Variants in TMEM108 observed in about 807,000 individuals in gnomAD.
TMEM108 encodes transmembrane protein 108.
TMEM108 carries 12 observed loss-of-function variants against 35.1 expected under a neutral mutation model. The observed-to-expected ratio is 0.34, with a 90% CI of 0.22 to 0.55. The LOEUF (loss-of-function observed/expected upper bound fraction) is 0.55. Ranked by LOEUF, TMEM108 falls within the 20% of genes least tolerant of loss-of-function variation. The probability of loss-of-function intolerance (pLI) is 0.89; values close to 1 mark genes in which losing one functional copy is unlikely to be tolerated. For synonymous variants in TMEM108, 287 were observed against 308.6 expected, an observed-to-expected ratio of 0.93 and a Z score of 0.73; for missense variants, 680 against 753.3, an observed-to-expected ratio of 0.90 and a Z score of 1.14.
chr3:133,116,083 T>C (rs1018674148), intron 2 of TMEM108, among the ~76,000 whole-genome samples: 12 of 152,344 alleles, frequency 7.9e-5, no homozygotes, highest in African/African-American at 2.6e-4. Context: ...TCCAAGTCTT[T>C]AGTAATGAGA....
At chr3:133,234,101 A>G (rs903018282) in intron 3 of TMEM108, among the ~76,000 whole-genome samples, 9 of 152,114 alleles carry the variant, frequency 5.9e-5, no homozygotes, top group Non-Finnish European at 8.8e-5. Flanking sequence ...TGTTTTAGAC[A>G]TGAAGTGCTT....
chr3:133,306,958 T>C (rs1334397322), intron 3 of TMEM108, among the ~76,000 whole-genome samples: 1 of 152,164 alleles, frequency 6.6e-6, no homozygotes, highest in Non-Finnish European at 1.5e-5. Flanking sequence ...TTGTCTTCCA[T>C]AATAGTTTAA....
At chr3:133,144,400 C>G (rs1944686091) in intron 2 of TMEM108, among the ~76,000 whole-genome samples, 1 of 152,114 alleles carries the variant, frequency 6.6e-6, no homozygotes, top group Non-Finnish European at 1.5e-5. Context: ...GGTTCCAAGT[C>G]TTTGCTATTG....
chr3:133,086,174 A>G (rs912177758), intron 2 of TMEM108, among the ~76,000 whole-genome samples: 2 of 152,142 alleles, frequency 1.3e-5, no homozygotes, highest in Non-Finnish European at 2.9e-5. Context: ...CTGCTTCTGG[A>G]GTCCAGAGGT....
chr3:133,278,795 T>C (rs988405822), intron 3 of TMEM108, among the ~76,000 whole-genome samples: 12 of 152,188 alleles, frequency 7.9e-5, no homozygotes, highest in African/African-American at 2.7e-4. Context: ...GGCTATGTAA[T>C]GTACAGCCTA....
chr3:133,248,968 G>A (rs1051147428), intron 3 of TMEM108, among the ~76,000 whole-genome samples: 3 of 152,166 alleles, frequency 2.0e-5, no homozygotes, highest in African/African-American at 4.8e-5. Flanking sequence ...CTACCTTTGC[G>A]TGGTCACTGA....
chr3:133,170,955 G>A (rs916326661), intron 2 of TMEM108, among the ~76,000 whole-genome samples: 4 of 152,190 alleles, frequency 2.6e-5, no homozygotes, highest in African/African-American at 9.7e-5. Context: ...GACAAGTGAT[G>A]AAGATTAGGC....
At chr3:133,040,202 G>GTTTTTTTTT (rs200928853) in intron 1 of TMEM108, among the ~76,000 whole-genome samples, 1 of 119,692 alleles carries the variant, frequency 8.4e-6, no homozygotes. Context: ...TTGTTTGTTT[G>GTTTTTTTTT]TTTGTTTTTT....
intron 2 of TMEM108, among the ~76,000 whole-genome samples, chr3:133,143,513 T>G (rs761256865): frequency 2.0e-5 from 3 of 152,240 alleles, no homozygotes; most frequent in Non-Finnish European, 2.9e-5. Flanking sequence ...AAACTGCTTA[T>G]GAAGCATAAG....
At chr3:133,121,423 GTC>G (rs1944351029) in intron 2 of TMEM108, among the ~76,000 whole-genome samples, 1 of 152,164 alleles carries the variant, frequency 6.6e-6, no homozygotes, top group Non-Finnish European at 1.5e-5. Context: ...AAAAAGCCAA[GTC>G]TCTGACAAAA....
intron 2 of TMEM108, among the ~76,000 whole-genome samples, chr3:133,218,323 A>G (rs1024840117): frequency 4.6e-5 from 7 of 151,934 alleles, no homozygotes; most frequent in African/African-American, 1.7e-4. Context: ...AAGGTTTTCT[A>G]TATATAATAT....
intron 2 of TMEM108, among the ~76,000 whole-genome samples, chr3:133,189,920 CATT>C (rs1170856827): frequency 6.6e-6 from 1 of 152,064 alleles, no homozygotes; most frequent in Non-Finnish European, 1.5e-5. Flanking sequence ...CATAGTTTGG[CATT>C]ATTATTGGGT....
At chr3:133,387,811 C>G in intron 4 of TMEM108, 1 of 982,720 alleles carries the variant, frequency 1.0e-6, no homozygotes, top group South Asian at 4.7e-5. Context: ...AATAGATTGT[C>G]ACCTAGATTC....
At chr3:133,133,679 T>C (rs904344972) in intron 2 of TMEM108, among the ~76,000 whole-genome samples, 2 of 151,464 alleles carry the variant, frequency 1.3e-5, no homozygotes, top group African/African-American at 4.8e-5. Flanking sequence ...TCTTTTTTTT[T>C]CCTTTTTTTT....
chr3:133,354,764 G>T (rs1302748020), intron 3 of TMEM108, among the ~76,000 whole-genome samples: 2 of 151,824 alleles, frequency 1.3e-5, no homozygotes, highest in East Asian at 3.9e-4. Flanking sequence ...ACTGGTAGCA[G>T]AAGCTTGTCA....
At chr3:133,392,685 G>A (rs1002756078) in intron 5 of TMEM108, among the ~76,000 whole-genome samples, 9 of 151,538 alleles carry the variant, frequency 5.9e-5, no homozygotes, top group African/African-American at 2.2e-4. Flanking sequence ...TGCAGCTCCT[G>A]ATTACGTAGA....
intron 3 of TMEM108, among the ~76,000 whole-genome samples, chr3:133,234,986 T>C (rs1271102970): frequency 6.6e-6 from 1 of 151,662 alleles, no homozygotes; most frequent in African/African-American, 2.4e-5. Context: ...AAATCATGAG[T>C]GAACTCCCAT....
chr3:133,218,410 C>T lies in TMEM108; in HGVS notation c.-46-10856C>T, dbSNP rs532764946. 9.9e-5 allele frequency among the ~76,000 whole-genome samples: 15 copies of T among 151,970 alleles called. No individual in the cohort carries two copies. The South Asian group carries it at 2.3e-3, about 23-fold the overall frequency. ...CCTTTTATTTCTTTCTCTTGCCTAA[C>T]TGCTTTGGCTAGGACTCTAGTACTA... is the stretch of plus-strand genomic sequence containing the variant. On this transcript the variant is annotated intron_variant, in intron 2 of 5. Transcript: ENST00000321871.
chr3:133,246,521 G>A (rs1291848681), intron 3 of TMEM108: 2 of 150,788 alleles, frequency 1.3e-5, no homozygotes, highest in African/African-American at 2.4e-5. Context: ...AGCGTCCACA[G>A]AGCATATAGT....
Sources: allele counts gnomAD v4.1 joint callset (sites outside exome capture counted in the v4.1 genomes callset), GRCh38; gene constraint gnomAD v4.1.1; transcripts MANE v1.5; gene names NCBI Gene and HGNC (gene_info 2026-07-23, HGNC 2026-07-21).